The following CORIN variants were observed in gnomAD, a reference collection of about 807,000 sequenced individuals.
CORIN encodes corin, serine peptidase, also known as atrial natriuretic peptide-converting enzyme.
In CORIN, 117 loss-of-function variants were observed where a neutral mutation model predicts 125.3. That is an observed-to-expected ratio of 0.93 (90% CI 0.80 to 1.09). The LOEUF is 1.09. Ranked by LOEUF, CORIN falls within the 50% of genes least tolerant of loss-of-function variation. The probability of loss-of-function intolerance (pLI) is 0.00; values close to 1 mark genes in which losing one functional copy is unlikely to be tolerated. For missense variants in CORIN, 1,253 were observed against 1,306.7 expected, an observed-to-expected ratio of 0.96 and a Z score of 0.63; for synonymous variants, 450 against 466.4, an observed-to-expected ratio of 0.96 and a Z score of 0.45.
intron 1 of CORIN, among the ~76,000 whole-genome samples, chr4:47,817,964 C>A (rs1732346826): frequency 6.6e-6 from 1 of 152,150 alleles, no homozygotes; most frequent in Non-Finnish European, 1.5e-5. Context: ...TGGTAGATTT[C>A]ATTTGAAAAC....
chr4:47,782,097 A>C (rs1730578275), intron 3 of CORIN, among the ~76,000 whole-genome samples: 1 of 152,092 alleles, frequency 6.6e-6, no homozygotes, highest in South Asian at 2.1e-4. Flanking sequence ...GATAGAACTG[A>C]AAGAAGGCCA....
intron 15 of CORIN, among the ~76,000 whole-genome samples, chr4:47,642,406 C>T (rs1723270086): frequency 6.6e-6 from 1 of 152,214 alleles, no homozygotes; most frequent in Non-Finnish European, 1.5e-5. Context: ...TCTATCATTT[C>T]CTTCAAGAAA....
intron 19 of CORIN, among the ~76,000 whole-genome samples, chr4:47,623,115 T>TACAC (rs1218255928): frequency 7.4e-6 from 1 of 135,048 alleles, no homozygotes; most frequent in African/African-American, 3.2e-5. Context: ...TATATATATA[T>TACAC]ATACACACAC....
intron 5 of CORIN, among the ~76,000 whole-genome samples, chr4:47,711,237 G>A (rs7698488): frequency 0.099 from 15,086 of 152,230 alleles, 878 homozygotes; most frequent in East Asian, 0.27. Flanking sequence ...AGACAAGGGA[G>A]CCATGACTAT....
At chr4:47,701,757 A>G (rs1182234240) in intron 5 of CORIN, among the ~76,000 whole-genome samples, 1 of 145,348 alleles carries the variant, frequency 6.9e-6, no homozygotes, top group Non-Finnish European at 1.5e-5. Context: ...CAGAAACTGA[A>G]GGCCAAGCAG....
intron 5 of CORIN, among the ~76,000 whole-genome samples, chr4:47,703,454 A>G (rs995686999): frequency 3.3e-5 from 5 of 152,218 alleles, no homozygotes; most frequent in African/African-American, 4.8e-5. Flanking sequence ...GAATCTACAG[A>G]CCAGAAAAGA....
At chr4:47,643,349 T>G in intron 14 of CORIN, 93 bp from the exon 15 acceptor site, 1 of 1,182,566 alleles carries the variant, frequency 8.5e-7, no homozygotes. Context: ...AGCAGGAGCA[T>G]GGAAAGAAGA....
intron 5 of CORIN, among the ~76,000 whole-genome samples, chr4:47,730,203 G>A (rs540849086): frequency 3.9e-5 from 6 of 152,120 alleles, no homozygotes; most frequent in East Asian, 1.9e-4. Flanking sequence ...GGCCGGGCGC[G>A]GTGGCTCACG....
At chr4:47,638,740 A>C (rs1044164951) in intron 16 of CORIN, among the ~76,000 whole-genome samples, 5 of 152,230 alleles carry the variant, frequency 3.3e-5, no homozygotes, top group African/African-American at 1.2e-4. Flanking sequence ...TATTAGCAGC[A>C]TAAAAATGGA....
chr4:47,632,780 G>T (rs1577761453), intron 16 of CORIN, among the ~76,000 whole-genome samples: 1 of 118,992 alleles, frequency 8.4e-6, no homozygotes, highest in Non-Finnish European at 1.8e-5. Context: ...TAGATAGTTA[G>T]ATAGATTTTT....
At chr4:47,720,680 G>C (rs147431032) in intron 5 of CORIN, among the ~76,000 whole-genome samples, 2 of 152,112 alleles carry the variant, frequency 1.3e-5, no homozygotes, top group African/African-American at 2.4e-5. Context: ...AATGCTATAG[G>C]TCTACCTTTA....
chr4:47,828,941 G>A (rs552726488), intron 1 of CORIN, among the ~76,000 whole-genome samples: 2 of 151,994 alleles, frequency 1.3e-5, no homozygotes, highest in Admixed American at 6.6e-5. Flanking sequence ...GACGGATCAC[G>A]AGGTCAGGAG....
chr4:47,736,346 C>T (rs948274010), intron 5 of CORIN, among the ~76,000 whole-genome samples: 1 of 152,120 alleles, frequency 6.6e-6, no homozygotes, highest in African/African-American at 2.4e-5. Flanking sequence ...CAGATCAATG[C>T]CCCTGTCAAG....
intron 2 of CORIN, among the ~76,000 whole-genome samples, chr4:47,801,524 G>T (rs184628179): frequency 3.3e-5 from 5 of 152,372 alleles, no homozygotes; most frequent in African/African-American, 1.2e-4. Context: ...CACTGAAGAA[G>T]ACAGTAAAGA....
At chr4:47,642,592 C>A (rs1684080310) in intron 15 of CORIN, among the ~76,000 whole-genome samples, 3 of 152,170 alleles carry the variant, frequency 2.0e-5, no homozygotes, top group Admixed American at 1.3e-4. Context: ...CTGGATGATG[C>A]AAAGGACTGA....
At chr4:47,827,241 C>G (rs1732782697) in intron 1 of CORIN, among the ~76,000 whole-genome samples, 1 of 152,120 alleles carries the variant, frequency 6.6e-6, no homozygotes. Flanking sequence ...GAGAGAGCCA[C>G]TAAATTCCTG....
At chr4:47,785,422 T>C (rs1730746449) in intron 3 of CORIN, among the ~76,000 whole-genome samples, 2 of 152,154 alleles carry the variant, frequency 1.3e-5, no homozygotes, top group African/African-American at 4.8e-5. Context: ...ACTTTCTGTC[T>C]TTTCTCTCTC....
In CORIN at chr4:47,806,950, C is replaced by T; in HGVS notation, c.161G>A (p.Cys54Tyr). 6.2e-7 allele frequency: 1 copy of T among 1,613,830 alleles called. No individual in the cohort carries two copies. Among genetic ancestry groups the T allele is most frequent in the Non-Finnish European group, 8.5e-7 (1 of 1,179,786 alleles). Residue 54 changes from cysteine (C) to tyrosine (Y), a missense_variant, in exon 2 of 22, where the codon TGT becomes TAT. Cys to Tyr is a radical substitution (Grantham distance 194). Coordinates refer to ENST00000273857, the MANE Select transcript of CORIN (RefSeq NM_006587.4). ...LRFLLLVLIP[C>Y]ICALVLLLVI... is the part of the protein sequence containing the mutation. Reference sequence around the variant, plus strand: ...CAGCAAGAGAACGAGAGCACAGATACATGGAATCAGGACCAGCAATAGGAA... The same window carrying T: ...CAGCAAGAGAACGAGAGCACAGATATATGGAATCAGGACCAGCAATAGGAA...
intron 12 of CORIN, among the ~76,000 whole-genome samples, chr4:47,659,669 C>T (rs1178572372): frequency 6.6e-6 from 1 of 152,154 alleles, no homozygotes; most frequent in Admixed American, 6.5e-5. Flanking sequence ...AAACCAATCA[C>T]AAGGGATCTG....
Sources: gnomAD v4.1 joint callset for allele counts (sites outside exome capture counted in the v4.1 genomes callset) on GRCh38, gnomAD v4.1.1 for gene constraint, MANE v1.5 for transcripts, NCBI Gene and HGNC (gene_info 2026-07-23, HGNC 2026-07-21) for gene names.